The following CPA6 variants were observed in gnomAD, a reference collection of about 807,000 sequenced individuals.
CPA6 encodes the protein carboxypeptidase A6, also known as carboxypeptidase B.
In CPA6, 58 loss-of-function variants were observed where a neutral mutation model predicts 63.3. The observed-to-expected ratio is 0.92, with a 90% confidence interval of 0.74 to 1.14. The LOEUF is 1.14. Ranked by LOEUF, CPA6 falls within the 50% of genes most tolerant of loss-of-function variation. CPA6 has a pLI of 0.00. For synonymous variants in CPA6, 185 were observed against 179.0 expected (o/e 1.03, Z -0.27); for missense variants, 565 against 526.6 (o/e 1.07, Z -0.71).
chr8:67,570,694 A>G (rs376993834), intron 2 of CPA6, among the ~76,000 whole-genome samples: 136 of 152,322 alleles, frequency 8.9e-4, no homozygotes, highest in African/African-American at 3.1e-3. Flanking sequence ...AATAAGAGAT[A>G]GAAAAAACAA....
intron 10 of CPA6, 64 bp downstream of exon 10, chr8:67,427,983 A>G (rs1399148399): frequency 9.3e-7 from 1 of 1,071,460 alleles, no homozygotes; most frequent in Non-Finnish European, 1.4e-6. Context: ...TCTAAAAGGA[A>G]GTCATGATAC....
chr8:67,568,410 T>G (rs956295847), intron 2 of CPA6, among the ~76,000 whole-genome samples: 2 of 152,106 alleles, frequency 1.3e-5, no homozygotes, highest in Admixed American at 6.6e-5. Flanking sequence ...GATAAAAAAT[T>G]AAATGAAATT....
At chr8:67,694,659 G>C (rs1014331603) in intron 1 of CPA6, among the ~76,000 whole-genome samples, 1 of 152,330 alleles carries the variant, frequency 6.6e-6, no homozygotes, top group Admixed American at 6.5e-5. Context: ...GCCTCATGGG[G>C]AGTTCTCTAA....
At chr8:67,511,337 T>G (rs1333973813) in intron 4 of CPA6, among the ~76,000 whole-genome samples, 2 of 152,214 alleles carry the variant, frequency 1.3e-5, no homozygotes, top group Non-Finnish European at 2.9e-5. Context: ...AAAATTATTT[T>G]GATACTTCTT....
intron 2 of CPA6, among the ~76,000 whole-genome samples, chr8:67,622,997 G>A (rs1815115786): frequency 1.3e-5 from 2 of 152,182 alleles, no homozygotes; most frequent in South Asian, 4.1e-4. Context: ...TTACAGAAAT[G>A]CTCTAACTCT....
chr8:67,683,768 T>C (rs1039164045), intron 1 of CPA6, among the ~76,000 whole-genome samples: 1 of 152,188 alleles, frequency 6.6e-6, no homozygotes, highest in East Asian at 1.9e-4. Flanking sequence ...CACTTCTATA[T>C]GTTTTTGCTC....
intron 1 of CPA6, among the ~76,000 whole-genome samples, chr8:67,729,199 C>T (rs576254522): frequency 3.3e-5 from 5 of 152,246 alleles, no homozygotes; most frequent in African/African-American, 1.2e-4. Context: ...ATAAGATCCC[C>T]TAGTGTTTTA....
intron 1 of CPA6, among the ~76,000 whole-genome samples, chr8:67,683,091 T>C (rs975891907): frequency 6.6e-6 from 1 of 152,206 alleles, no homozygotes; most frequent in Non-Finnish European, 1.5e-5. Flanking sequence ...GGTCTGCTGC[T>C]TCCTGGACAG....
chr8:67,576,487 C>T (rs1813629654), intron 2 of CPA6, among the ~76,000 whole-genome samples: 1 of 152,058 alleles, frequency 6.6e-6, no homozygotes, highest in South Asian at 2.1e-4. Flanking sequence ...TAGGTGTATG[C>T]TCTAAAAATG....
intron 1 of CPA6, among the ~76,000 whole-genome samples, chr8:67,742,008 T>C (rs956173571): frequency 6.6e-6 from 1 of 152,186 alleles, no homozygotes; most frequent in Non-Finnish European, 1.5e-5. Flanking sequence ...TTTTCTCTAC[T>C]GTACAGCAAG....
rs543818082 is a variant in CPA6 at position 67,640,473 on chromosome 8, G to C, written c.117-16222C>G. ...ATTGCCTGGGCTCAGCCTCAACTTT[G>C]CTCCATGATTGGAGCAAGAACTAAC... On this transcript the variant is annotated intron_variant, in intron 1 of 10. Transcript: ENST00000297770. Among the ~76,000 whole-genome samples, 5 of 151,502 alleles carry C rather than the reference G, an allele frequency of 3.3e-5. No homozygotes were observed. The South Asian group carries it at 1.0e-3, about 31-fold the overall frequency.
chr8:67,511,782 C>G, intron 3 of CPA6, 127 bp from the exon 4 acceptor site: 1 of 631,488 alleles, frequency 1.6e-6, no homozygotes. Context: ...CTAAAAATAC[C>G]AAATGTTGGG....
intron 8 of CPA6, among the ~76,000 whole-genome samples, chr8:67,461,049 CTTT>C (rs111558015): frequency 7.2e-6 from 1 of 139,240 alleles, no homozygotes; most frequent in Admixed American, 7.1e-5. Context: ...AATTCGATTT[CTTT>C]TTTTTTTTTT....
chr8:67,653,739 TCTC>T (rs1815908365), intron 1 of CPA6, among the ~76,000 whole-genome samples: 1 of 152,078 alleles, frequency 6.6e-6, no homozygotes, highest in African/African-American at 2.4e-5. Flanking sequence ...TTTATTTCCT[TCTC>T]CTGCCTAATT....
intron 1 of CPA6, among the ~76,000 whole-genome samples, chr8:67,720,868 T>C (rs1817484209): frequency 6.6e-6 from 1 of 152,204 alleles, no homozygotes; most frequent in African/African-American, 2.4e-5. Flanking sequence ...AGTCAATGCA[T>C]ACTTTGCATA....
At chr8:67,479,276 T>G (rs979838404) in intron 8 of CPA6, among the ~76,000 whole-genome samples, 1 of 152,192 alleles carries the variant, frequency 6.6e-6, no homozygotes, top group African/African-American at 2.4e-5. Context: ...CAGGCATTTG[T>G]CATCAACTAT....
intron 1 of CPA6, among the ~76,000 whole-genome samples, chr8:67,653,622 T>TCAG (rs1815904200): frequency 6.6e-6 from 1 of 152,180 alleles, no homozygotes; most frequent in South Asian, 2.1e-4. Context: ...AAGTTGCTTA[T>TCAG]CAGCTTAAGG....
At chr8:67,570,798 A>G (rs1268430166) in intron 2 of CPA6, among the ~76,000 whole-genome samples, 1 of 152,220 alleles carries the variant, frequency 6.6e-6, no homozygotes, top group Admixed American at 6.5e-5. Flanking sequence ...GTATCTATAA[A>G]ACAACCAGAA....
intron 1 of CPA6, among the ~76,000 whole-genome samples, chr8:67,703,444 CT>C (rs1435164352): frequency 6.6e-6 from 1 of 152,176 alleles, no homozygotes; most frequent in Non-Finnish European, 1.5e-5. Flanking sequence ...AAAATTGGAT[CT>C]TTCCCCAAAA....
Sources: allele counts gnomAD v4.1 joint callset (sites outside exome capture counted in the v4.1 genomes callset), GRCh38; gene constraint gnomAD v4.1.1; transcripts MANE v1.5; gene names NCBI Gene and HGNC (gene_info 2026-07-23, HGNC 2026-07-21).